The following ARHGAP10 variants were observed in gnomAD, a reference collection of about 807,000 sequenced individuals.
The protein encoded by ARHGAP10 is rho GTPase-activating protein 10.
Under a neutral mutation model 108.6 loss-of-function variants are expected in ARHGAP10, and 87 were observed. That is an observed-to-expected ratio of 0.80 (90% CI 0.67 to 0.96). The LOEUF is 0.96. Among genes scored for constraint, ARHGAP10 ranks in the 40% least tolerant of loss-of-function variants. ARHGAP10 has a pLI of 0.00. For missense variants in ARHGAP10, 939 were observed against 954.5 expected (o/e 0.98, Z 0.21); for synonymous variants, 347 against 341.1 (o/e 1.02, Z -0.19).
intron 16 of ARHGAP10, among the ~76,000 whole-genome samples, chr4:147,960,354 T>C (rs1409451451): frequency 1.1e-4 from 16 of 152,192 alleles, no homozygotes; most frequent in Admixed American, 9.2e-4. Context: ...TTGTAAAATA[T>C]CATTTCTCAT....
At chr4:147,877,924 C>T (rs978271362) in intron 8 of ARHGAP10, among the ~76,000 whole-genome samples, 6 of 150,186 alleles carry the variant, frequency 4.0e-5, no homozygotes, top group Admixed American at 1.3e-4. Flanking sequence ...TAATGTTAAG[C>T]CAGACAATAC....
In ARHGAP10 at chr4:147,857,610, C is replaced by A; in HGVS notation, c.442C>A (p.His148Asn). 1 of 1,484,726 alleles carries A rather than the reference C, an allele frequency of 6.7e-7. No homozygotes were observed. The highest frequency in any genetic ancestry group is 8.9e-7 in the Non-Finnish European group (1 of 1,118,936). 92.0% of individuals were successfully genotyped at this position (1,484,726 alleles called of 1,614,324 possible). The part of the protein sequence containing the change: ...TEKNYSLIDK[H>N]LNLSAKKKDS... ...AAAGAATTATAGTCTAATTGATAAA[C>A]ATTTGAATTTATCAGCAAAAAAGAA... The change falls in exon 5 of 23, where the codon CAT becomes AAT. Residue 148 changes from histidine (H) to asparagine (N), a missense_variant. Physicochemically the swap from His to Asn is moderately conservative, Grantham distance 68. Transcript: ENST00000336498.
At chr4:147,961,747 C>G (rs1391014071) in intron 16 of ARHGAP10, among the ~76,000 whole-genome samples, 1 of 152,024 alleles carries the variant, frequency 6.6e-6, no homozygotes, top group African/African-American at 2.4e-5. Flanking sequence ...CTGGTGATAC[C>G]CAGGGCCCCT....
At chr4:147,906,744 T>C in intron 11 of ARHGAP10, 25 bp downstream of exon 11, 1 of 1,612,702 alleles carries the variant, frequency 6.2e-7, no homozygotes, top group Non-Finnish European at 8.5e-7. Flanking sequence ...TGGTTGAGTT[T>C]TATTTCAAAG....
intron 14 of ARHGAP10, chr4:147,946,192 TCAATACA>T (rs1738372895): frequency 6.4e-6 from 1 of 155,980 alleles, no homozygotes; most frequent in Admixed American, 6.5e-5. Context: ...CCTGCCTCTA[TCAATACA>T]CAGTATGAGG....
chr4:147,781,681 C>CT (rs56781517), intron 1 of ARHGAP10, among the ~76,000 whole-genome samples: 4,335 of 130,484 alleles, frequency 0.033, 95 homozygotes, highest in Non-Finnish European at 0.045. Flanking sequence ...CTTTTCTTTT[C>CT]TTTTTTTTTT....
Position 147,946,723 on chromosome 4 carries a change from C to T in ARHGAP10, c.1391+19C>T, listed in dbSNP as rs1052477531. On this transcript the variant is annotated intron_variant, in intron 15 of 22. Coordinates refer to ENST00000336498, the MANE Select transcript of ARHGAP10 (RefSeq NM_024605.4). ...ATTTGAGGTAAGCTCCTCTCAGTAG[C>T]AAGAAAGAAGAATGGACTATTTGGA... The T allele has an allele frequency of 1.3e-6, 2 of 1,552,294 alleles. No individual in the cohort carries two copies. Among genetic ancestry groups the T allele is most frequent in the Non-Finnish European group, 1.7e-6 (2 of 1,146,122 alleles).
At chr4:148,056,160 T>C (rs1729356127) in intron 20 of ARHGAP10, among the ~76,000 whole-genome samples, 1 of 152,238 alleles carries the variant, frequency 6.6e-6, no homozygotes, top group Admixed American at 6.5e-5. Context: ...CTTTACAGAA[T>C]AAGTTTACTG....
intron 13 of ARHGAP10, among the ~76,000 whole-genome samples, chr4:147,925,176 G>A (rs780069143): frequency 3.9e-5 from 6 of 151,990 alleles, no homozygotes; most frequent in Non-Finnish European, 8.8e-5. Context: ...AGAACACCAC[G>A]GTTTTCAGAT....
chr4:147,920,640 A>G (rs1225211154), intron 13 of ARHGAP10, among the ~76,000 whole-genome samples: 2 of 57,902 alleles, frequency 3.5e-5, no homozygotes, highest in Non-Finnish European at 2.1e-4. Flanking sequence ...CGTTGGTTAC[A>G]TACAATCCTT....
At chr4:148,071,099 T>A (rs933795907) in intron 22 of ARHGAP10, among the ~76,000 whole-genome samples, 1 of 152,156 alleles carries the variant, frequency 6.6e-6, no homozygotes, top group East Asian at 1.9e-4. Context: ...GGAGGAGGCA[T>A]CCAATCAGGT....
chr4:147,910,534 A>G (rs186149006), intron 12 of ARHGAP10, among the ~76,000 whole-genome samples: 4 of 152,294 alleles, frequency 2.6e-5, no homozygotes, highest in Non-Finnish European at 5.9e-5. Context: ...GTGTTTGACT[A>G]CAGGCTATAC....
chr4:147,983,703 G>A (rs1041132778), intron 18 of ARHGAP10, among the ~76,000 whole-genome samples: 23 of 151,968 alleles, frequency 1.5e-4, no homozygotes, highest in African/African-American at 5.3e-4. Flanking sequence ...ATCTTGAGTC[G>A]TTTTTGTGTT....
chr4:147,998,700 C>T (rs187282886), intron 18 of ARHGAP10, among the ~76,000 whole-genome samples: 2 of 152,316 alleles, frequency 1.3e-5, no homozygotes, highest in African/African-American at 4.8e-5. Context: ...TTAGTATATC[C>T]TACTATTAAG....
chr4:147,756,070 G>A (rs146707582), intron 1 of ARHGAP10, among the ~76,000 whole-genome samples: 110 of 147,796 alleles, frequency 7.4e-4, no homozygotes, highest in African/African-American at 2.6e-3. Context: ...AAAATTTCTT[G>A]CCTTTTTCCT....
chr4:147,813,779 C>T (rs1297294201), intron 1 of ARHGAP10, among the ~76,000 whole-genome samples: 2 of 152,190 alleles, frequency 1.3e-5, no homozygotes, highest in Non-Finnish European at 2.9e-5. Flanking sequence ...TAATTGTATT[C>T]TCATTATTTA....
At chr4:147,999,263 G>A (rs1192536698) in intron 18 of ARHGAP10, among the ~76,000 whole-genome samples, 1 of 152,220 alleles carries the variant, frequency 6.6e-6, no homozygotes, top group African/African-American at 2.4e-5. Flanking sequence ...TCACCTGAGA[G>A]CACAGCAGGA....
intron 1 of ARHGAP10, among the ~76,000 whole-genome samples, chr4:147,794,054 A>G (rs1007286326): frequency 6.6e-6 from 1 of 152,210 alleles, no homozygotes; most frequent in African/African-American, 2.4e-5. Context: ...GTTGTGAAGG[A>G]TACAAAGACT....
intron 10 of ARHGAP10, among the ~76,000 whole-genome samples, chr4:147,904,959 G>T (rs2126906802): frequency 6.6e-6 from 1 of 152,272 alleles, no homozygotes; most frequent in South Asian, 2.1e-4. Flanking sequence ...TTGTGGATTT[G>T]ATTTGCATTT....
Sources: gnomAD v4.1 joint callset for allele counts (sites outside exome capture counted in the v4.1 genomes callset) on GRCh38, gnomAD v4.1.1 for gene constraint, MANE v1.5 for transcripts, NCBI Gene and HGNC (gene_info 2026-07-23, HGNC 2026-07-21) for gene names.